Variants in CSTF3 observed in about 807,000 individuals in gnomAD.
CSTF3 encodes the protein cleavage stimulation factor subunit 3.
Under a neutral mutation model 105.8 loss-of-function variants are expected in CSTF3, and 29 were observed. The observed-to-expected ratio is 0.27, with a 90% CI of 0.20 to 0.37. The LOEUF (loss-of-function observed/expected upper bound fraction) is 0.37, where lower values mean the gene tolerates loss of function less well. CSTF3 is among the 10% of genes least tolerant of loss of function. The pLI is 1.00. For missense variants in CSTF3, 357 were observed against 879.3 expected (o/e 0.41, Z 7.51); for synonymous variants, 252 against 281.9 (o/e 0.89, Z 1.06).
intron 3 of CSTF3, among the ~76,000 whole-genome samples, chr11:33,129,012 T>C (rs572465889): frequency 6.6e-6 from 1 of 152,296 alleles, no homozygotes; most frequent in East Asian, 1.9e-4. Flanking sequence ...ACACAACAGA[T>C]ACTGGAAAAG....
chr11:33,097,069 T>C (rs1478737049), intron 13 of CSTF3, 91 bp from the exon 14 acceptor site: 5 of 875,260 alleles, frequency 5.7e-6, no homozygotes, highest in Admixed American at 3.2e-5. Flanking sequence ...AATTAGAAAG[T>C]AGGAATTTAG....
intron 1 of CSTF3, among the ~76,000 whole-genome samples, chr11:33,155,149 G>C (rs1336222484): frequency 6.6e-6 from 1 of 151,956 alleles, no homozygotes. Context: ...GAGGTCAGGA[G>C]ATCAAGACCA....
chr11:33,157,145 G>T (rs1007745093), intron 1 of CSTF3, among the ~76,000 whole-genome samples: 16 of 152,134 alleles, frequency 1.1e-4, no homozygotes, highest in African/African-American at 3.6e-4. Flanking sequence ...TTGAGGTCAG[G>T]AGTTCAAGAC....
At chr11:33,098,915 AT>A (rs1438770984) in intron 12 of CSTF3, 118 bp downstream of exon 12, 19 of 1,413,518 alleles carry the variant, frequency 1.3e-5, no homozygotes, top group Non-Finnish European at 1.7e-5. Context: ...ATAACTGTTC[AT>A]TTGGCATCAT....
chr11:33,139,015 T>G (rs1471717264), intron 3 of CSTF3, among the ~76,000 whole-genome samples: 1 of 151,942 alleles, frequency 6.6e-6, no homozygotes, highest in Non-Finnish European at 1.5e-5. Flanking sequence ...CATAGCTAAA[T>G]AGATACTGCT....
chr11:33,154,305 A>C (rs1446639400), intron 1 of CSTF3, among the ~76,000 whole-genome samples: 1 of 152,192 alleles, frequency 6.6e-6, no homozygotes, highest in Non-Finnish European at 1.5e-5. Flanking sequence ...TCTGTTCCAC[A>C]AATGTTTTCC....
intron 13 of CSTF3, among the ~76,000 whole-genome samples, chr11:33,098,220 A>G (rs573039572): frequency 2.6e-5 from 4 of 152,220 alleles, no homozygotes; most frequent in Admixed American, 2.6e-4. Context: ...TTTGAAAACC[A>G]CTATGATAGA....
intron 17 of CSTF3, among the ~76,000 whole-genome samples, chr11:33,089,094 C>G (rs1565001155): frequency 2.0e-5 from 3 of 152,102 alleles, no homozygotes; most frequent in Admixed American, 2.0e-4. Flanking sequence ...TGCCTGTAAT[C>G]CCAGCACTTT....
chr11:33,160,785 A>C (rs889115145), intron 1 of CSTF3, among the ~76,000 whole-genome samples: 5 of 152,372 alleles, frequency 3.3e-5, no homozygotes, highest in Admixed American at 6.5e-5. Flanking sequence ...AAAACGAAAG[A>C]AAGCCACAAA....
chr11:33,102,095 A>C, intron 10 of CSTF3, 82 bp downstream of exon 10: 3 of 1,073,622 alleles, frequency 2.8e-6, no homozygotes, highest in Non-Finnish European at 4.1e-6. Flanking sequence ...GATTAGGGGT[A>C]AGAAAATTTT....
chr11:33,089,093 T>A (rs539039003), intron 17 of CSTF3, among the ~76,000 whole-genome samples: 5 of 152,276 alleles, frequency 3.3e-5, no homozygotes, highest in South Asian at 2.1e-4. Flanking sequence ...CTGCCTGTAA[T>A]CCCAGCACTT....
chr11:33,133,824 C>G (rs1855625060), intron 3 of CSTF3, among the ~76,000 whole-genome samples: 1 of 152,136 alleles, frequency 6.6e-6, no homozygotes, highest in East Asian at 1.9e-4. Flanking sequence ...CAAATTAAGG[C>G]TGAGGGGCTG....
chr11:33,141,791 T>C (rs1855714919), intron 2 of CSTF3, 29 bp from the exon 3 acceptor site: 1 of 1,583,062 alleles, frequency 6.3e-7, no homozygotes, highest in Non-Finnish European at 8.5e-7. Flanking sequence ...AAACAGCATT[T>C]ACAATGTTAG....
At chr11:33,089,975 T>G (rs1323906170) in intron 17 of CSTF3, among the ~76,000 whole-genome samples, 3 of 152,204 alleles carry the variant, frequency 2.0e-5, no homozygotes, top group African/African-American at 7.2e-5. Context: ...TTCTTATGAC[T>G]CAGTAGTCTG....
At position 33,102,451 on chromosome 11, in the gene CSTF3, C is replaced by G. The variant is rs1855289592; in HGVS notation, c.664-112G>C. 3.4e-6 allele frequency: 3 copies of G among 870,886 alleles called. No individual in the cohort carries two copies. The East Asian group carries it at 7.7e-5, about 22-fold the overall frequency. 53.9% of individuals were successfully genotyped at this position (870,886 alleles called of 1,614,324 possible). A position where few individuals can be genotyped will look rare whatever the true frequency, so the allele number is the denominator to read the frequency against. On this transcript the variant is annotated intron_variant, in intron 9 of 20. Transcript: ENST00000323959. ...TCAAGATGCCTACTTTTTCCAAATA[C>G]CACTTTGTTAATATAATCTAAAAAC... is the stretch of plus-strand genomic sequence containing the variant.
intron 3 of CSTF3, among the ~76,000 whole-genome samples, chr11:33,113,206 A>AAAATAAAT (rs61101354): frequency 0.018 from 2,684 of 147,218 alleles, 46 homozygotes; most frequent in African/African-American, 0.038. Flanking sequence ...ACTTTGTCTC[A>AAAATAAAT]AAATAAATAA....
rs1855287604 is a variant in CSTF3 at position 33,102,189 on chromosome 11, T to C, written c.814A>G (p.Ile272Val). The change falls in exon 10 of 21, where the codon ATA becomes GTA. Residue 272 changes from isoleucine (I) to valine (V), a missense_variant. Physicochemically the swap from Ile to Val is conservative, Grantham distance 29. Around this residue, in one of 4 missense-constraint regions of CSTF3, gnomAD observed 206 missense variants for 576.5 expected, o/e 0.36. Coordinates refer to ENST00000323959, the MANE Select transcript of CSTF3 (RefSeq NM_001326.3). ...TTAATCATGTTACCTCTTTTTGTTA[T>C]AAGGGTCTGATCCTCTGTACGAAGA... ...NPLRTEDQTL[I>V]TKRVMFAYEQ... The C allele has an allele frequency of 1.9e-6, 3 of 1,613,604 alleles. No individual in the cohort carries two copies. Among genetic ancestry groups the C allele is most frequent in the Non-Finnish European group, 2.5e-6 (3 of 1,179,830 alleles).
Position 33,085,907 on chromosome 11 carries a change from A to G in CSTF3, c.1878T>C (p.Pro626=), listed in dbSNP as rs1273150023. Reference sequence around the variant, plus strand: ...TAAGTGAACAAACCTGGAAACAGATAGGAGGAGGGAGAAGTTTCATTAAAA... The same window carrying G: ...TAAGTGAACAAACCTGGAAACAGATGGGAGGAGGGAGAAGTTTCATTAAAA... ...AVVLMKLLPP[P]ICFQGPFVQV... The change falls in exon 19 of 21, where the codon CCT becomes CCC. Residue 626 remains proline, a synonymous_variant. Coordinates refer to ENST00000323959, the MANE Select transcript of CSTF3 (RefSeq NM_001326.3). 2 of 1,561,936 alleles carry G rather than the reference A, an allele frequency of 1.3e-6. No homozygotes were observed. The highest frequency in any genetic ancestry group is 1.2e-5 in the South Asian group (1 of 80,198).
chr11:33,086,188 A>T (rs1326654696), intron 18 of CSTF3, among the ~76,000 whole-genome samples, 199 bp from the exon 19 acceptor site: 1 of 152,254 alleles, frequency 6.6e-6, no homozygotes, highest in Non-Finnish European at 1.5e-5. Flanking sequence ...AGAGAAGTAG[A>T]CAAGTGACTT....
Sources: allele counts gnomAD v4.1 joint callset (sites outside exome capture counted in the v4.1 genomes callset), GRCh38; gene constraint gnomAD v4.1.1; regional missense constraint gnomAD v4.1.1; transcripts MANE v1.5; gene names NCBI Gene and HGNC (gene_info 2026-07-23, HGNC 2026-07-21).